PLCD1: variants seen among roughly 807,000 people sequenced by gnomAD.
The protein encoded by PLCD1 is phospholipase C delta 1, also known as 1-phosphatidylinositol 4,5-bisphosphate phosphodiesterase delta-1.
Under a neutral mutation model 87.4 loss-of-function variants are expected in PLCD1, and 71 were observed. That is an observed-to-expected ratio of 0.81 (90% CI 0.67 to 0.99). The LOEUF (loss-of-function observed/expected upper bound fraction) is 0.99. Among genes scored for constraint, PLCD1 ranks in the 50% least tolerant of loss-of-function variants. The probability of loss-of-function intolerance (pLI) is 0.00; values close to 1 mark genes in which losing one functional copy is unlikely to be tolerated. For synonymous variants in PLCD1, 348 were observed against 399.2 expected (o/e 0.87, Z 1.53); for missense variants, 867 against 1,001.5 (o/e 0.87, Z 1.81).
intron 1 of PLCD1, among the ~76,000 whole-genome samples, chr3:38,022,718 T>C (rs1252129725): frequency 6.6e-6 from 1 of 152,146 alleles, no homozygotes; most frequent in Non-Finnish European, 1.5e-5. Flanking sequence ...CACAGCCCTC[T>C]GGACCATTAG....
In PLCD1 at chr3:38,008,602, C is replaced by CATCT. The variant is rs1317251132; in HGVS notation, c.1754_1757dup (p.Met586IlefsTer32). 4 of 1,614,186 alleles carry CATCT rather than the reference C, an allele frequency of 2.5e-6. No individual in the cohort carries two copies. The highest frequency in any genetic ancestry group is 3.4e-6 in the Non-Finnish European group (4 of 1,180,016). ...CCTGGAAGCGGCCCTGGTACACGTC[C>CATCT]ATCTCTGGCCCAGGTGTCTGGAAAT... On this transcript the variant is annotated frameshift_variant, in exon 12 of 15. Coordinates refer to ENST00000334661, the MANE Select transcript of PLCD1 (RefSeq NM_006225.4). LOFTEE classifies it high-confidence loss of function.
rs752683436 is a variant in PLCD1 at position 38,009,299 on chromosome 3, G to A, written c.1579C>T (p.Arg527Cys). The stretch of plus-strand genomic sequence containing the variant: ...GATTCTTGGAGCAGTCGAAGGGCAC[G>A]GTTCTCAGAGAAGGACGCCATCTCG... ...FYEMASFSENRALRLLQESGN... is the reference protein window; with the variant it reads ...FYEMASFSENCALRLLQESGN... The change falls in exon 10 of 15, where the codon CGT (arginine) becomes TGT (cysteine). Residue 527 changes from arginine to cysteine, a missense_variant. Physicochemically the swap from Arg to Cys is radical, Grantham distance 180 (BLOSUM62 -3). Coordinates refer to ENST00000334661, the MANE Select transcript of PLCD1 (RefSeq NM_006225.4). 31 of 1,614,044 alleles carry A rather than the reference G, an allele frequency of 1.9e-5. No individual in the cohort carries two copies. The highest frequency in any genetic ancestry group is 5.5e-5 in the South Asian group (5 of 91,080).
rs1277332979 is a variant in PLCD1 at position 38,010,292 on chromosome 3, G to A, written c.993-17C>T. 3 of 1,614,200 alleles carry A rather than the reference G, an allele frequency of 1.9e-6. No homozygotes were observed. The highest frequency in any genetic ancestry group is 2.2e-5 in the South Asian group (2 of 91,086). On this transcript the variant is annotated splice_polypyrimidine_tract_variant and intron_variant, in intron 6 of 14. Transcript: ENST00000334661. ...CACAGTGCCCTGCGGGGAGGGTGGTGGCTAGGACCCTCCAGGTCCTGTCCC... is the reference window on the plus strand; with the variant it reads ...CACAGTGCCCTGCGGGGAGGGTGGTAGCTAGGACCCTCCAGGTCCTGTCCC...
Position 38,012,031 on chromosome 3 carries a change from C to CTTTTTTTT in PLCD1, c.429-366_429-359dup, listed in dbSNP as rs763245915. ...AGTATATCCTTCTGGTTTTCCTTTT[C>CTTTTTTTT]TTTTTTTTTTTTTTTTGACAAGATC... is the stretch of plus-strand genomic sequence containing the variant. On this transcript the variant is annotated intron_variant, in intron 3 of 14. Coordinates refer to ENST00000334661, the MANE Select transcript of PLCD1 (RefSeq NM_006225.4). Among the ~76,000 whole-genome samples, 10 of 137,656 alleles carry CTTTTTTTT rather than the reference C, an allele frequency of 7.3e-5. 1 individual carries two copies. The highest frequency in any genetic ancestry group is 1.9e-4 in the African/African-American group (7 of 36,256). 90.3% of individuals were successfully genotyped at this position (137,656 alleles called of 152,430 possible).
rs1210583991 is a variant in PLCD1 at position 38,008,631 on chromosome 3, GGGCCACTACA to G, written c.1724-5_1728del. 2 of 1,614,026 alleles carry G rather than the reference GGGCCACTACA, an allele frequency of 1.2e-6. No homozygotes were observed. Among genetic ancestry groups the G allele is most frequent in the South Asian group, 2.2e-5 (2 of 91,070 alleles). ...TCTGGCCCAGGTGTCTGGAAATTCA[GGGCCACTACA>G]GGCAGGACAGAGCAGTCACAGGCTG... is the stretch of plus-strand genomic sequence containing the variant. On this transcript the variant is annotated splice_acceptor_variant and splice_polypyrimidine_tract_variant and coding_sequence_variant and intron_variant, in exon 12 of 15. Coordinates refer to ENST00000334661, the MANE Select transcript of PLCD1 (RefSeq NM_006225.4). LOFTEE classifies it high-confidence loss of function.
chr3:38,008,994 G>A (rs1700019723), intron 11 of PLCD1, 48 bp downstream of exon 11: 1 of 1,493,036 alleles, frequency 6.7e-7, no homozygotes, highest in Non-Finnish European at 9.3e-7. Flanking sequence ...CCCGGCCTTG[G>A]GACTGAAACC....
At chr3:38,022,808 C>A (rs1700254215) in intron 1 of PLCD1, among the ~76,000 whole-genome samples, 1 of 152,152 alleles carries the variant, frequency 6.6e-6, no homozygotes, top group Non-Finnish European at 1.5e-5. Flanking sequence ...TCCTGCCCCA[C>A]CACCCTTGCT....
chr3:38,020,595 C>G (rs892469788), intron 1 of PLCD1, among the ~76,000 whole-genome samples: 9 of 152,204 alleles, frequency 5.9e-5, no homozygotes, highest in African/African-American at 1.9e-4. Context: ...CCTGCCCACC[C>G]AAGACCATAC....
chr3:38,016,838 C>T (rs919583922), intron 2 of PLCD1, 119 bp from the exon 3 acceptor site: 38 of 766,208 alleles, frequency 5.0e-5, no homozygotes, highest in Admixed American at 2.0e-4. Flanking sequence ...GAGCCAGGGC[C>T]GGAGCTCAGG....
Position 38,007,808 on chromosome 3 carries a change from C to G in PLCD1, c.2236G>C (p.Ala746Pro), listed in dbSNP as rs1699985656. The G allele has an allele frequency of 6.2e-7, 1 of 1,614,194 alleles. No homozygotes were observed. Among genetic ancestry groups the G allele is most frequent in the Non-Finnish European group, 8.5e-7 (1 of 1,180,008 alleles). ...MSKNGDQHPS[A>P]TLFVKISLQD ...AGGGAGATCTTCACAAAGAGGGTGG[C>G]TGATGGATGCTGGTCCCCGTTCTTA... is the stretch of plus-strand genomic sequence containing the variant. Residue 746 changes from alanine (A) to proline (P), a missense_variant, in exon 15 of 15, where the codon GCC becomes CCC. Transcript: ENST00000334661.
chr3:38,019,666 C>A (rs1056116633), intron 2 of PLCD1, among the ~76,000 whole-genome samples: 9 of 152,188 alleles, frequency 5.9e-5, no homozygotes, highest in African/African-American at 1.9e-4. Flanking sequence ...CCCTCAGACC[C>A]ACAAGGGCTC....
At chr3:38,028,881 G>A (rs920462567) in intron 1 of PLCD1, among the ~76,000 whole-genome samples, 1 of 152,256 alleles carries the variant, frequency 6.6e-6, no homozygotes, top group Non-Finnish European at 1.5e-5. Flanking sequence ...AGGCAGCTCC[G>A]GCTGAGACCT....
At chr3:38,020,439 C>T in intron 1 of PLCD1, 87 bp from the exon 2 acceptor site, 1 of 1,267,740 alleles carries the variant, frequency 7.9e-7, no homozygotes, top group Non-Finnish European at 1.1e-6. Context: ...CACCTCGACC[C>T]TCTCAGAGCC....
chr3:38,011,725 C>T, intron 3 of PLCD1, 52 bp from the exon 4 acceptor site: 1 of 1,601,770 alleles, frequency 6.2e-7, no homozygotes, highest in African/African-American at 1.3e-5. Context: ...TACCAAGGTC[C>T]CAGCCAGAGC....
chr3:38,023,974 T>C (rs1011703330), intron 1 of PLCD1, among the ~76,000 whole-genome samples: 2 of 149,498 alleles, frequency 1.3e-5, no homozygotes, highest in East Asian at 2.0e-4. Context: ...GGCACACTTT[T>C]GCACAGGATC....
chr3:38,027,196 A>G (rs1440969507), intron 1 of PLCD1, among the ~76,000 whole-genome samples: 2 of 152,178 alleles, frequency 1.3e-5, no homozygotes, highest in Non-Finnish European at 2.9e-5. Context: ...TCGCTCTTGA[A>G]TCTAGTTCTG....
At position 38,023,719 on chromosome 3, in the gene PLCD1, C is replaced by T. The variant is rs542478129; in HGVS notation, c.35-3367G>A. Among the ~76,000 whole-genome samples, 18 of 152,142 alleles carry T rather than the reference C, an allele frequency of 1.2e-4. No individual in the cohort carries two copies. The South Asian group carries it at 3.7e-3, about 32-fold the overall frequency. On this transcript the variant is annotated intron_variant, in intron 1 of 14. Transcript: ENST00000334661. ...CCACTCAGTCACCCTAGGTCACCCACTGTCACATTGGTTATACAGTCACAC... is the reference window on the plus strand; with the variant it reads ...CCACTCAGTCACCCTAGGTCACCCATTGTCACATTGGTTATACAGTCACAC...
rs1419064043 is a variant in PLCD1, at chr3:38,008,263, G to A, written c.2007C>T (p.Ser669=). 6.2e-7 allele frequency: 1 copy of A among 1,614,038 alleles called. No individual in the cohort carries two copies. Among genetic ancestry groups the A allele is most frequent in the Non-Finnish European group, 8.5e-7 (1 of 1,180,048 alleles). ...TGTTGGTGATGACAGCAGTCTGGCG[G>A]CTGGCCACGTCCCGGCTCACGCCAT... ...EIHGVSRDVA[S]RQTAVITNNG... is the part of the protein sequence containing the mutation. The change falls in exon 13 of 15, where the codon AGC becomes AGT. Residue 669 remains serine, a synonymous_variant. Coordinates refer to ENST00000334661, the MANE Select transcript of PLCD1 (RefSeq NM_006225.4).
chr3:38,009,503 C>T (rs1276573841), intron 9 of PLCD1, 72 bp from the exon 10 acceptor site: 21 of 1,585,272 alleles, frequency 1.3e-5, no homozygotes, highest in Middle Eastern at 1.7e-4. Context: ...AGCCAGAAAC[C>T]CAGGCGCAGA....
Sources: gnomAD v4.1 joint callset for allele counts (sites outside exome capture counted in the v4.1 genomes callset) on GRCh38, gnomAD v4.1.1 for gene constraint, MANE v1.5 for transcripts, NCBI Gene and HGNC (gene_info 2026-07-23, HGNC 2026-07-21) for gene names.